Variants in POLQ observed in about 807,000 individuals in gnomAD.
POLQ encodes the protein DNA polymerase theta, also known as epididymis secretory sperm binding protein.
Under a neutral mutation model 259.2 loss-of-function variants are expected in POLQ, and 233 were observed. The ratio of observed to expected loss-of-function variants is 0.90; its 90% confidence interval spans 0.81 to 1.00. POLQ has a LOEUF of 1.00. Ranked by LOEUF, POLQ falls within the 50% of genes least tolerant of loss-of-function variation. POLQ has a pLI of 0.00. For missense variants in POLQ, 2,871 were observed against 3,051.6 expected (o/e 0.94, Z 1.39); for synonymous variants, 1,025 against 1,048.8 (o/e 0.98, Z 0.44).
In POLQ at chr3:121,467,642, T is replaced by C; in HGVS notation, c.6846-2A>G. The C allele has an allele frequency of 6.2e-7, 1 of 1,613,536 alleles. No homozygotes were observed. The highest frequency in any genetic ancestry group is 8.5e-7 in the Non-Finnish European group (1 of 1,179,662). Reference sequence around the variant, plus strand: ...CTGAAACCCTTCTTATATTTTCCTCTGTGGTGCAAACAACATCATCAGTTA... The same window carrying C: ...CTGAAACCCTTCTTATATTTTCCTCCGTGGTGCAAACAACATCATCAGTTA... On this transcript the variant is annotated splice_acceptor_variant, in intron 23 of 29. Coordinates refer to ENST00000264233, the MANE Select transcript of POLQ (RefSeq NM_199420.4). LOFTEE classifies it high-confidence loss of function.
chr3:121,432,100 A>T lies in POLQ; in HGVS notation c.*204T>A, dbSNP rs1434676853. The T allele has an allele frequency of 2.2e-6, 1 of 458,038 alleles. No homozygotes were observed. The highest frequency in any genetic ancestry group is 3.8e-6 in the Non-Finnish European group (1 of 265,362). The allele number at this position is 458,038 out of a possible 1,614,324, so 28.4% of individuals were successfully genotyped here. On this transcript the variant is annotated 3_prime_UTR_variant, in exon 30 of 30. Transcript: ENST00000264233. The stretch of plus-strand genomic sequence containing the variant: ...AGTGAATGTAACTATTATACTTGGT[A>T]TTCTACTTCCCCCACGCCCCCAGAA...
Position 121,487,403 on chromosome 3 carries a change from T to C in POLQ, c.5528A>G (p.Glu1843Gly), listed in dbSNP as rs769539315. 3 of 1,614,078 alleles carry C rather than the reference T, an allele frequency of 1.9e-6. No homozygotes were observed. The South Asian group carries it at 3.3e-5, about 18-fold the overall frequency. ...DQNLFQTFIK[E>G]WRCKKRFSIS... ...GGAAAATCGCTTTTTGCACCGCCACTCCTTAATGAATGTTTGGAAAAGATT... is the reference window on the plus strand; with the variant it reads ...GGAAAATCGCTTTTTGCACCGCCACCCCTTAATGAATGTTTGGAAAAGATT... The change falls in exon 16 of 30, where the codon GAG (glutamate) becomes GGG (glycine). Residue 1843 changes from glutamate to glycine, a missense_variant. Transcript: ENST00000264233.
chr3:121,488,791 G>A lies in POLQ; in HGVS notation c.4140C>T (p.His1380=), dbSNP rs778116478. The A allele has an allele frequency of 6.2e-7, 1 of 1,613,912 alleles. No individual in the cohort carries two copies. The highest frequency in any genetic ancestry group is 1.1e-5 in the South Asian group (1 of 91,026). ...ECHIPFPAEQ[H]PLGATKIDHL... ...GATCTATCTTAGTCGCTCCTAGAGG[G>A]TGCTGTTCAGCAGGAAAAGGAATGT... The change falls in exon 16 of 30, where the codon CAC becomes CAT. Residue 1380 remains histidine (H), a synonymous_variant. Coordinates refer to ENST00000264233, the MANE Select transcript of POLQ (RefSeq NM_199420.4).
chr3:121,494,066 A>G (rs1247540023), intron 14 of POLQ: 2 of 639,344 alleles, frequency 3.1e-6, no homozygotes, highest in East Asian at 2.7e-5. Flanking sequence ...GCAAAAGAGA[A>G]CTCTTAAAAA....
chr3:121,485,174 A>G lies in POLQ; in HGVS notation c.5640T>C (p.Pro1880=). The change falls in exon 17 of 30, where the codon CCT becomes CCC. Residue 1880 remains proline, a synonymous_variant. Coordinates refer to ENST00000264233, the MANE Select transcript of POLQ (RefSeq NM_199420.4). ...CATCATCTCTAATAGGAATTTCCTG[A>G]GGTGAGCTAGCTAAGTAAAACAAAA... ...IGSRFKQASS[P]QEIPIRDDGF... 1 of 1,594,478 alleles carries G rather than the reference A, an allele frequency of 6.3e-7. No individual in the cohort carries two copies. Among genetic ancestry groups the G allele is most frequent in the Non-Finnish European group, 8.5e-7 (1 of 1,170,012 alleles).
chr3:121,470,526 C>A (rs1219488835), intron 22 of POLQ, among the ~76,000 whole-genome samples: 1 of 152,174 alleles, frequency 6.6e-6, no homozygotes, highest in African/African-American at 2.4e-5. Flanking sequence ...GAGCCATGCA[C>A]TATTCTAAAT....
chr3:121,536,971 A>C, intron 5 of POLQ, 129 bp downstream of exon 5: 1 of 633,340 alleles, frequency 1.6e-6, no homozygotes, highest in South Asian at 2.0e-5. Context: ...ACAAACTACT[A>C]TACATAAGTT....
chr3:121,450,851 G>A (rs1184047505), intron 25 of POLQ, among the ~76,000 whole-genome samples: 2 of 152,066 alleles, frequency 1.3e-5, no homozygotes, highest in African/African-American at 4.8e-5. Flanking sequence ...GCTAGATTGG[G>A]GAAGTTCTCC....
At chr3:121,458,886 C>G (rs2047766635) in intron 25 of POLQ, among the ~76,000 whole-genome samples, 1 of 151,838 alleles carries the variant, frequency 6.6e-6, no homozygotes, top group Non-Finnish European at 1.5e-5. Flanking sequence ...CCTCACCTCT[C>G]CACACACACA....
Position 121,485,116 on chromosome 3 carries a change from C to T in POLQ, c.5698G>A (p.Val1900Met), listed in dbSNP as rs1181034225. ...CCCCAGCATACTGCCAGTCCAACCA[C>T]CAAGGTGTCATCACAACCTTTAATG... ...FPIKGCDDTLVVGLAVCWGGR... is the reference protein window; with the variant it reads ...FPIKGCDDTLMVGLAVCWGGR... The change falls in exon 17 of 30, where the codon GTG (valine) becomes ATG (methionine). Residue 1900 changes from valine to methionine, a missense_variant. Val to Met is a conservative substitution (Grantham distance 21, BLOSUM62 1). Around this residue, in one of 3 missense-constraint regions of POLQ, gnomAD observed 2,080 missense variants for 2,126.0 expected, o/e 0.98. Transcript: ENST00000264233. 8 of 1,611,444 alleles carry T rather than the reference C, an allele frequency of 5.0e-6. No homozygotes were observed. The highest frequency in any genetic ancestry group is 6.8e-6 in the Non-Finnish European group (8 of 1,177,832).
chr3:121,511,703 G>A (rs574824102), intron 10 of POLQ, among the ~76,000 whole-genome samples, 184 bp downstream of exon 10: 3 of 151,420 alleles, frequency 2.0e-5, no homozygotes, highest in Non-Finnish European at 4.4e-5. Flanking sequence ...GCTTGAACCC[G>A]GGAGGCGGAG....
Position 121,475,037 on chromosome 3 carries a change from T to TA in POLQ, c.6405+1502dup, listed in dbSNP as rs148118524. On this transcript the variant is annotated intron_variant, in intron 20 of 29. Coordinates refer to ENST00000264233, the MANE Select transcript of POLQ (RefSeq NM_199420.4). ...TGGTAAGACATTTGAAATTTACTCT[T>TA]AGTTACTTTGAAATATATAATACGT... is the stretch of plus-strand genomic sequence containing the variant. 3.6e-3 allele frequency among the ~76,000 whole-genome samples: 554 copies of TA among 152,294 alleles called. 2 individuals are homozygous for TA. The highest frequency in any genetic ancestry group is 8.0e-3 in the Admixed American group (123 of 15,292).
chr3:121,501,683 A>G (rs1024345924), intron 12 of POLQ, among the ~76,000 whole-genome samples: 1 of 145,502 alleles, frequency 6.9e-6, no homozygotes, highest in Non-Finnish European at 1.5e-5. Context: ...AAAAAAAAAA[A>G]AAAAAAGAAA....
intron 19 of POLQ, among the ~76,000 whole-genome samples, chr3:121,480,793 A>C (rs1043350831): frequency 6.6e-6 from 1 of 152,208 alleles, no homozygotes; most frequent in Non-Finnish European, 1.5e-5. Context: ...TAAGAACCAG[A>C]CTTACAGTTT....
At chr3:121,436,321 G>A (rs2047544521) in intron 27 of POLQ, 46 bp from the exon 28 acceptor site, 1 of 1,595,000 alleles carries the variant, frequency 6.3e-7, no homozygotes, top group African/African-American at 1.3e-5. Flanking sequence ...TGCCAACATG[G>A]TTTCATACTT....
At position 121,490,134 on chromosome 3, in the gene POLQ, T is replaced by C. The variant is rs1392841788; in HGVS notation, c.2797A>G (p.Lys933Glu). 6.2e-7 allele frequency: 1 copy of C among 1,609,040 alleles called. No homozygotes were observed. The highest frequency in any genetic ancestry group is 1.1e-5 in the South Asian group (1 of 90,196). The change falls in exon 16 of 30, where the codon AAA (lysine) becomes GAA (glutamate). Residue 933 changes from lysine (K) to glutamate (E), a missense_variant. Physicochemically the swap from Lys to Glu is moderately conservative, Grantham distance 56 (BLOSUM62 1). Coordinates refer to ENST00000264233, the MANE Select transcript of POLQ (RefSeq NM_199420.4). The stretch of plus-strand genomic sequence containing the variant: ...TTACTTTTGTTCTTTGATGTTAATT[T>C]TTTATAAGAACTCTTAGTTTGGGAT... Reference protein sequence around the residue: ...FISQTKSSYKKLTSKNKSNTI... With the variant: ...FISQTKSSYKELTSKNKSNTI...
intron 9 of POLQ, among the ~76,000 whole-genome samples, chr3:121,514,380 C>G (rs1360760398): frequency 8.7e-6 from 1 of 115,084 alleles, no homozygotes; most frequent in Non-Finnish European, 1.8e-5. Context: ...AAAAAAAAAA[C>G]CCAAAACTTG....
In POLQ at chr3:121,449,290, G is replaced by A. The variant is rs763298109; in HGVS notation, c.7264+25C>T. The A allele has an allele frequency of 4.5e-6, 5 of 1,120,982 alleles. No homozygotes were observed. The South Asian group carries it at 5.3e-5, about 12-fold the overall frequency. The allele number at this position is 1,120,982 out of a possible 1,614,324, so 69.4% of individuals were successfully genotyped here. A position where few individuals can be genotyped will look rare whatever the true frequency, so the allele number is the denominator to read the frequency against. On this transcript the variant is annotated intron_variant, in intron 26 of 29. Coordinates refer to ENST00000264233, the MANE Select transcript of POLQ (RefSeq NM_199420.4). Reference sequence around the variant, plus strand: ...TATAATATGGTAAGATGGTTGAAAAGAATACTATCTAGAAGATAAATTACC... The same window carrying A: ...TATAATATGGTAAGATGGTTGAAAAAAATACTATCTAGAAGATAAATTACC...
rs1264027699 is a variant in POLQ at position 121,483,578 on chromosome 3, A to G, written c.5778T>C (p.Ile1926=). The change falls in exon 18 of 30, where the codon ATT becomes ATC. Residue 1926 remains isoleucine, a synonymous_variant. Coordinates refer to ENST00000264233, the MANE Select transcript of POLQ (RefSeq NM_199420.4). ...AAGAAGGTGGAACCAAACTGGCACTAATTTCTTTAAAAAAAAAAAAAAAAA... is the reference window on the plus strand; with the variant it reads ...AAGAAGGTGGAACCAAACTGGCACTGATTTCTTTAAAAAAAAAAAAAAAAA... ...SLQKEQKHSE[I]SASLVPPSLD... 1.2e-5 allele frequency: 18 copies of G among 1,495,470 alleles called. No individual in the cohort carries two copies. The East Asian group carries it at 4.0e-4, about 34-fold the overall frequency. 92.6% of individuals were successfully genotyped at this position (1,495,470 alleles called of 1,614,324 possible). A position where few individuals can be genotyped will look rare whatever the true frequency, so the allele number is the denominator to read the frequency against.
Sources: gnomAD v4.1 joint callset for allele counts (sites outside exome capture counted in the v4.1 genomes callset) on GRCh38, gnomAD v4.1.1 for gene constraint, gnomAD v4.1.1 regional missense constraint, MANE v1.5 for transcripts, NCBI Gene and HGNC (gene_info 2026-07-23, HGNC 2026-07-21) for gene names.